The following GSTCD variants were observed in gnomAD, a reference collection of about 807,000 sequenced individuals.
The protein encoded by GSTCD is glutathione S-transferase C-terminal domain-containing protein.
A neutral mutation model predicts 68.3 loss-of-function variants in GSTCD; 44 were observed. The observed-to-expected ratio is 0.64, with a 90% CI of 0.51 to 0.83. GSTCD has a LOEUF of 0.83. GSTCD is among the 40% of genes least tolerant of loss of function. The pLI, the probability that GSTCD is intolerant of heterozygous loss-of-function variation, is 0.00. For missense variants in GSTCD, 739 were observed against 735.9 expected (o/e 1.00, Z -0.05); for synonymous variants, 273 against 255.2 (o/e 1.07, Z -0.67).
intron 5 of GSTCD, among the ~76,000 whole-genome samples, chr4:105,750,461 A>C (rs1190201703): frequency 7.6e-6 from 1 of 131,852 alleles, no homozygotes; most frequent in Non-Finnish European, 1.6e-5. Flanking sequence ...ACTCCGTCTC[A>C]AAAAAAAAAA....
chr4:105,724,990 G>C (rs1732985947), intron 3 of GSTCD, among the ~76,000 whole-genome samples: 1 of 151,924 alleles, frequency 6.6e-6, no homozygotes, highest in Admixed American at 6.6e-5. Flanking sequence ...TAGATGAAAG[G>C]GTTTCCAGAT....
intron 5 of GSTCD, among the ~76,000 whole-genome samples, chr4:105,734,049 G>C (rs1320294818): frequency 6.6e-6 from 1 of 152,218 alleles, no homozygotes; most frequent in Non-Finnish European, 1.5e-5. Flanking sequence ...TTTCTGCTGA[G>C]AGATCAGCTG....
chr4:105,785,818 A>T (rs561446244), intron 5 of GSTCD, among the ~76,000 whole-genome samples: 17 of 152,296 alleles, frequency 1.1e-4, no homozygotes, highest in African/African-American at 4.1e-4. Flanking sequence ...AACTATCTCT[A>T]TTTGCAGATA....
At chr4:105,838,087 T>C (rs781287972) in intron 10 of GSTCD, among the ~76,000 whole-genome samples, 198 bp downstream of exon 10, 7 of 152,234 alleles carry the variant, frequency 4.6e-5, no homozygotes. Context: ...GTGAAGGGTC[T>C]GAGATTTTAA....
chr4:105,797,730 C>T (rs926066244), intron 5 of GSTCD, among the ~76,000 whole-genome samples: 2 of 142,060 alleles, frequency 1.4e-5, no homozygotes, highest in African/African-American at 5.3e-5. Context: ...GTATTTGATG[C>T]TGTTTGATAG....
chr4:105,755,983 C>G lies in GSTCD; in HGVS notation c.1240+26484C>G, dbSNP rs529850776. On this transcript the variant is annotated intron_variant, in intron 5 of 11. Coordinates refer to ENST00000515279, the MANE Select transcript of GSTCD (RefSeq NM_001370181.1). Reference sequence around the variant, plus strand: ...CACTGGCCATGGTTCCCATGACACCCTCCTAAGGTTCAACTAATTTTCAAA... The same window carrying G: ...CACTGGCCATGGTTCCCATGACACCGTCCTAAGGTTCAACTAATTTTCAAA... 7.5e-4 allele frequency among the ~76,000 whole-genome samples: 115 copies of G among 152,334 alleles called. 2 individuals are homozygous for G. In the South Asian group the frequency reaches 0.02, roughly 27 times the overall value.
At chr4:105,826,299 C>T (rs1380454508) in intron 8 of GSTCD, among the ~76,000 whole-genome samples, 1 of 151,894 alleles carries the variant, frequency 6.6e-6, no homozygotes, top group Non-Finnish European at 1.5e-5. Flanking sequence ...ACCTTTGGAT[C>T]AAATTGTTAT....
chr4:105,730,542 T>C (rs1733199450), intron 5 of GSTCD, among the ~76,000 whole-genome samples: 1 of 152,238 alleles, frequency 6.6e-6, no homozygotes, highest in Non-Finnish European at 1.5e-5. Context: ...AATGTCTTCT[T>C]TTGAGAAGTG....
intron 5 of GSTCD, among the ~76,000 whole-genome samples, chr4:105,755,076 A>T (rs1370770734): frequency 7.0e-6 from 1 of 143,096 alleles, no homozygotes; most frequent in Non-Finnish European, 1.5e-5. Context: ...AAAAAAAAAA[A>T]AAAAAAAAAA....
At chr4:105,845,273 T>C (rs11722225) in intron 11 of GSTCD, among the ~76,000 whole-genome samples, 168 bp from the exon 12 acceptor site, 8,330 of 152,272 alleles carry the variant, frequency 0.055, 256 homozygotes, top group Middle Eastern at 0.14. Flanking sequence ...ACCATCATCT[T>C]TCCACATTGA....
At chr4:105,763,246 G>A (rs911437372) in intron 5 of GSTCD, among the ~76,000 whole-genome samples, 3 of 152,110 alleles carry the variant, frequency 2.0e-5, no homozygotes, top group Non-Finnish European at 4.4e-5. Flanking sequence ...TAAGGATGAA[G>A]CAAAGCAGAA....
chr4:105,796,852 A>G (rs1448629227), intron 5 of GSTCD, among the ~76,000 whole-genome samples: 2 of 152,160 alleles, frequency 1.3e-5, no homozygotes, highest in African/African-American at 2.4e-5. Flanking sequence ...TTGGATGTGC[A>G]TTTAGTTTGG....
chr4:105,801,192 C>T (rs896836854), intron 5 of GSTCD, among the ~76,000 whole-genome samples: 1 of 152,158 alleles, frequency 6.6e-6, no homozygotes, highest in African/African-American at 2.4e-5. Context: ...GACTGCTTCT[C>T]GACCTTTTGG....
intron 5 of GSTCD, among the ~76,000 whole-genome samples, chr4:105,748,993 T>C (rs1314433364): frequency 6.6e-6 from 1 of 151,968 alleles, no homozygotes; most frequent in African/African-American, 2.4e-5. Context: ...GATAGGAATA[T>C]TTTATAATAG....
intron 11 of GSTCD, among the ~76,000 whole-genome samples, chr4:105,842,686 A>C (rs1724403812): frequency 6.6e-6 from 1 of 152,246 alleles, no homozygotes; most frequent in Admixed American, 6.5e-5. Context: ...CATTTAAAAG[A>C]ATAATAGCAG....
chr4:105,810,696 A>G (rs777386263), intron 5 of GSTCD, among the ~76,000 whole-genome samples: 2 of 152,182 alleles, frequency 1.3e-5, no homozygotes, highest in South Asian at 2.1e-4. Context: ...TCAAGAAGAC[A>G]TATTATAATA....
Position 105,821,392 on chromosome 4 carries a change from A to C in GSTCD, c.1241-1562A>C, listed in dbSNP as rs568284671. Among the ~76,000 whole-genome samples, 4 of 152,004 alleles carry C rather than the reference A, an allele frequency of 2.6e-5. No individual in the cohort carries two copies. In the East Asian group the frequency reaches 7.7e-4, roughly 29 times the overall value. Reference sequence around the variant, plus strand: ...ATCTCTTAGGAGTGGTTACCCATGAAGGGTGGGATTACAGCTTTTACTTCT... The same window carrying C: ...ATCTCTTAGGAGTGGTTACCCATGACGGGTGGGATTACAGCTTTTACTTCT... On this transcript the variant is annotated intron_variant, in intron 5 of 11. Transcript: ENST00000515279.
intron 5 of GSTCD, among the ~76,000 whole-genome samples, chr4:105,759,235 T>A (rs1442558372): frequency 6.6e-6 from 1 of 152,080 alleles, no homozygotes; most frequent in Non-Finnish European, 1.5e-5. Context: ...CAATCAGAAA[T>A]CTCAGAATTT....
Position 105,719,189 on chromosome 4 carries a change from C to T in GSTCD, c.556C>T (p.Pro186Ser), listed in dbSNP as rs1732777193. ...ILQLEKKLSEPVRVHNDDKLR... is the reference protein window; with the variant it reads ...ILQLEKKLSESVRVHNDDKLR... ...ACAGCTAGAGAAAAAGCTTAGTGAG[C>T]CTGTTAGAGTGCATAATGATGATAA... Residue 186 changes from proline to serine, a missense_variant, in exon 3 of 12, where the codon CCT becomes TCT. By Grantham distance (74) the Pro-to-Ser change is moderately conservative (BLOSUM62 -1). Coordinates refer to ENST00000515279, the MANE Select transcript of GSTCD (RefSeq NM_001370181.1). 2 of 1,614,002 alleles carry T rather than the reference C, an allele frequency of 1.2e-6. No individual in the cohort carries two copies. The highest frequency in any genetic ancestry group is 2.2e-5 in the East Asian group (1 of 44,878).
Sources: allele counts gnomAD v4.1 joint callset (sites outside exome capture counted in the v4.1 genomes callset), GRCh38; gene constraint gnomAD v4.1.1; transcripts MANE v1.5; gene names NCBI Gene and HGNC (gene_info 2026-07-23, HGNC 2026-07-21).